The following CDKAL1 variants were observed in gnomAD, a reference collection of about 807,000 sequenced individuals.
The protein encoded by CDKAL1 is CDKAL1 threonylcarbamoyladenosine tRNA methylthiotransferase.
A neutral mutation model predicts 68.2 loss-of-function variants in CDKAL1; 32 were observed. The observed-to-expected ratio is 0.47, with a 90% confidence interval of 0.35 to 0.63. The LOEUF (loss-of-function observed/expected upper bound fraction) is 0.63, where lower values mean the gene tolerates loss of function less well. Among genes scored for constraint, CDKAL1 ranks in the 30% least tolerant of loss-of-function variants. The pLI is 0.00. For missense variants in CDKAL1, 606 were observed against 696.7 expected, an observed-to-expected ratio of 0.87 and a Z score of 1.47; for synonymous variants, 234 against 244.3, an observed-to-expected ratio of 0.96 and a Z score of 0.39.
chr6:20,797,128 A>C (rs894730799), intron 8 of CDKAL1, among the ~76,000 whole-genome samples: 1 of 152,186 alleles, frequency 6.6e-6, no homozygotes, highest in Admixed American at 6.5e-5. Flanking sequence ...GATCACATAC[A>C]CAGCATAGGA....
At chr6:20,834,917 C>T (rs1268572671) in intron 8 of CDKAL1, among the ~76,000 whole-genome samples, 2 of 152,176 alleles carry the variant, frequency 1.3e-5, no homozygotes, top group Non-Finnish European at 2.9e-5. Flanking sequence ...AGTGCCATAG[C>T]TTCACAGGAA....
chr6:21,184,296 G>A (rs1193990017), intron 13 of CDKAL1, among the ~76,000 whole-genome samples: 1 of 151,118 alleles, frequency 6.6e-6, no homozygotes, highest in African/African-American at 2.4e-5. Context: ...CCAGGTTCAA[G>A]CGATTCTCCT....
intron 7 of CDKAL1, among the ~76,000 whole-genome samples, chr6:20,765,626 T>C (rs1350203355): frequency 6.6e-6 from 1 of 152,196 alleles, no homozygotes; most frequent in African/African-American, 2.4e-5. Context: ...CTCTCTCTCT[T>C]AGATAGCATT....
chr6:20,898,104 G>A (rs1761787835), intron 9 of CDKAL1, among the ~76,000 whole-genome samples: 1 of 152,034 alleles, frequency 6.6e-6, no homozygotes, highest in Admixed American at 6.6e-5. Flanking sequence ...CCTCTTGGGT[G>A]TATAATTAGT....
intron 13 of CDKAL1, chr6:21,135,812 A>G (rs1473974171): frequency 4.5e-6 from 2 of 446,012 alleles, no homozygotes; most frequent in Non-Finnish European, 5.9e-6. Flanking sequence ...TCCATTGGAG[A>G]ACGGGTGCCA....
chr6:20,964,896 A>G (rs1030050002), intron 10 of CDKAL1, among the ~76,000 whole-genome samples: 3 of 152,180 alleles, frequency 2.0e-5, no homozygotes, highest in Non-Finnish European at 4.4e-5. Context: ...TATAAAATGC[A>G]GTGACACACG....
chr6:21,106,940 C>T (rs183287674), intron 12 of CDKAL1, among the ~76,000 whole-genome samples: 4 of 117,290 alleles, frequency 3.4e-5, no homozygotes, highest in Non-Finnish European at 5.0e-5. Flanking sequence ...GAGAAAGCCA[C>T]TTTTTTTTTT....
chr6:21,059,767 A>C (rs1771040139), intron 11 of CDKAL1, among the ~76,000 whole-genome samples: 1 of 151,908 alleles, frequency 6.6e-6, no homozygotes, highest in Non-Finnish European at 1.5e-5. Flanking sequence ...TGATTTTAAA[A>C]ATATTTTTAA....
At chr6:20,749,828 T>G (rs572914799) in intron 6 of CDKAL1, among the ~76,000 whole-genome samples, 1 of 152,222 alleles carries the variant, frequency 6.6e-6, no homozygotes, top group South Asian at 2.1e-4. Context: ...ATTAGAGGTG[T>G]GAGCCACCAC....
At chr6:20,610,494 T>G (rs1312927045) in intron 4 of CDKAL1, among the ~76,000 whole-genome samples, 2 of 139,012 alleles carry the variant, frequency 1.4e-5, no homozygotes, top group East Asian at 4.2e-4. Context: ...AAAACGTTTT[T>G]TTTTCTTTTT....
At chr6:20,969,656 G>A (rs574541945) in intron 10 of CDKAL1, among the ~76,000 whole-genome samples, 70 of 152,312 alleles carry the variant, frequency 4.6e-4, no homozygotes, top group African/African-American at 1.7e-3. Context: ...CCTGGAACTA[G>A]TAAGTCTCTC....
intron 12 of CDKAL1, among the ~76,000 whole-genome samples, chr6:21,069,155 T>G (rs1771616325): frequency 6.6e-6 from 1 of 152,202 alleles, no homozygotes; most frequent in Non-Finnish European, 1.5e-5. Context: ...CTCATGACTT[T>G]TATTTCCTTT....
At chr6:21,048,514 A>AT (rs963585925) in intron 11 of CDKAL1, among the ~76,000 whole-genome samples, 3 of 151,810 alleles carry the variant, frequency 2.0e-5, no homozygotes, top group African/African-American at 7.3e-5. Context: ...GTATATATAT[A>AT]TTTTTTTCCA....
At chr6:21,093,369 T>G (rs1773143715) in intron 12 of CDKAL1, among the ~76,000 whole-genome samples, 1 of 152,172 alleles carries the variant, frequency 6.6e-6, no homozygotes, top group South Asian at 2.1e-4. Context: ...CTTTCCAGAA[T>G]TTTGGGCATC....
At chr6:20,754,093 C>T (rs1774061373) in intron 6 of CDKAL1, among the ~76,000 whole-genome samples, 2 of 152,034 alleles carry the variant, frequency 1.3e-5, no homozygotes, top group Non-Finnish European at 2.9e-5. Flanking sequence ...GGTCTTTCCC[C>T]CTTAGCCTCT....
chr6:20,891,927 GT>G (rs1335637875), intron 9 of CDKAL1, among the ~76,000 whole-genome samples: 1 of 152,082 alleles, frequency 6.6e-6, no homozygotes, highest in African/African-American at 2.4e-5. Flanking sequence ...CTACGGAGTT[GT>G]TTTTTTCTCA....
chr6:20,554,430 G>C (rs1441069886), intron 4 of CDKAL1, among the ~76,000 whole-genome samples: 1 of 152,140 alleles, frequency 6.6e-6, no homozygotes, highest in Non-Finnish European at 1.5e-5. Context: ...ATTGTTTTCA[G>C]TGTGCTCATT....
In CDKAL1 at chr6:21,069,770, CTTTCTTTTTTTTTTT is replaced by C. The variant is rs1375060266; in HGVS notation, c.1236+4546_1236+4560del. Among the ~76,000 whole-genome samples, 75 of 42,280 alleles carry C rather than the reference CTTTCTTTTTTTTTTT, an allele frequency of 1.8e-3. 3 individuals carry two copies. The highest frequency in any genetic ancestry group is 0.011 in the East Asian group (4 of 360). 27.7% of individuals were successfully genotyped at this position (42,280 alleles called of 152,430 possible). On this transcript the variant is annotated intron_variant, in intron 12 of 15. Coordinates refer to ENST00000274695, the MANE Select transcript of CDKAL1 (RefSeq NM_017774.3). ...TGCCCAATAAAATCCCCCAGATTTT[CTTTCTTTTTTTTTTT>C]TTTTTTTTTTTTTTTTTTTAAAACA... is the stretch of plus-strand genomic sequence containing the variant.
intron 8 of CDKAL1, among the ~76,000 whole-genome samples, chr6:20,790,192 A>G (rs1223721731): frequency 6.6e-6 from 1 of 152,226 alleles, no homozygotes; most frequent in Non-Finnish European, 1.5e-5. Flanking sequence ...ACAAAACAAT[A>G]AAGTTATAAG....
Sources: allele counts gnomAD v4.1 joint callset (sites outside exome capture counted in the v4.1 genomes callset), GRCh38; gene constraint gnomAD v4.1.1; transcripts MANE v1.5; gene names NCBI Gene and HGNC (gene_info 2026-07-23, HGNC 2026-07-21).